CTNND2: variants seen among roughly 807,000 people sequenced by gnomAD.
The protein encoded by CTNND2 is catenin delta-2.
In CTNND2, 22 loss-of-function variants were observed where a neutral mutation model predicts 144.4. The ratio of observed to expected loss-of-function variants is 0.15; its 90% CI spans 0.11 to 0.22. The LOEUF (loss-of-function observed/expected upper bound fraction) is 0.22, where lower values mean the gene tolerates loss of function less well. Among genes scored for constraint, CTNND2 ranks in the 10% least tolerant of loss-of-function variants. The pLI is 1.00. For synonymous variants in CTNND2, 751 were observed against 695.6 expected (o/e 1.08, Z -1.25); for missense variants, 1,353 against 1,618.8 (o/e 0.84, Z 2.82).
chr5:11,337,183 A>G (rs1379755452), intron 9 of CTNND2, among the ~76,000 whole-genome samples: 3 of 152,222 alleles, frequency 2.0e-5, no homozygotes, highest in African/African-American at 7.2e-5. Context: ...AATGGGAAGC[A>G]CACGGATTTT....
rs746104096 is a variant in CTNND2, at chr5:11,082,699, T to C, written c.2785A>G (p.Ile929Val). 1 of 1,614,070 alleles carries C rather than the reference T, an allele frequency of 6.2e-7. No individual in the cohort carries two copies. Among genetic ancestry groups the C allele is most frequent in the South Asian group, 1.1e-5 (1 of 91,078 alleles). ...MALDVRNKEL[I>V]GKYAMRDLVH... ...CTGTGAATCAGGGAGAACATACCGA[T>C]GAGCTCCTTATTTCTGACGTCCAAG... Residue 929 changes from isoleucine (I) to valine (V), a missense_variant, in exon 16 of 22, where the codon ATC becomes GTC. Around this residue, in one of 4 missense-constraint regions of CTNND2, gnomAD observed 459 missense variants for 674.3 expected, o/e 0.68. Coordinates refer to ENST00000304623, the MANE Select transcript of CTNND2 (RefSeq NM_001332.4).
In CTNND2 at chr5:11,465,385, T is replaced by C. The variant is rs566463048; in HGVS notation, c.288-53316A>G. Among the ~76,000 whole-genome samples, 21 of 152,182 alleles carry C rather than the reference T, an allele frequency of 1.4e-4. No individual in the cohort carries two copies. In the South Asian group the frequency reaches 2.1e-3, roughly 15 times the overall value. On this transcript the variant is annotated intron_variant, in intron 3 of 21. Coordinates refer to ENST00000304623, the MANE Select transcript of CTNND2 (RefSeq NM_001332.4). ...ACAGTTAATGGGTTGCTCAGAATTA[T>C]TGTGGATAGAGATGCAATGTTTGTG...
At chr5:11,562,292 T>A (rs554921725) in intron 3 of CTNND2, among the ~76,000 whole-genome samples, 37 of 152,092 alleles carry the variant, frequency 2.4e-4, no homozygotes, top group East Asian at 1.3e-3. Context: ...CCTCTTTTTT[T>A]AAAAAAAAGT....
chr5:11,015,961 T>A (rs1741560398), intron 18 of CTNND2, among the ~76,000 whole-genome samples: 1 of 152,230 alleles, frequency 6.6e-6, no homozygotes, highest in Admixed American at 6.5e-5. Flanking sequence ...ACATTGTAGA[T>A]AAAAGGCTTA....
chr5:11,529,088 C>CA (rs1773518430), intron 3 of CTNND2, among the ~76,000 whole-genome samples: 1 of 152,148 alleles, frequency 6.6e-6, no homozygotes, highest in South Asian at 2.1e-4. Context: ...AAAACAGGGA[C>CA]ACAAGGCCAT....
chr5:11,728,401 G>A (rs988798892), intron 2 of CTNND2, among the ~76,000 whole-genome samples: 14 of 152,080 alleles, frequency 9.2e-5, no homozygotes, highest in African/African-American at 3.4e-4. Flanking sequence ...CCTGGGAGGT[G>A]GAGGTGGAAG....
chr5:11,263,639 C>A (rs1745144105), intron 9 of CTNND2, among the ~76,000 whole-genome samples: 2 of 152,098 alleles, frequency 1.3e-5, no homozygotes, highest in Non-Finnish European at 2.9e-5. Context: ...AGTGGTGGCA[C>A]CATGAACCAC....
At chr5:11,573,114 G>A (rs1214016201) in intron 2 of CTNND2, among the ~76,000 whole-genome samples, 1 of 152,166 alleles carries the variant, frequency 6.6e-6, no homozygotes, top group Non-Finnish European at 1.5e-5. Flanking sequence ...CTCTAAGTCT[G>A]AGATGTCCCC....
At chr5:11,823,773 T>C (rs1025470775) in intron 1 of CTNND2, among the ~76,000 whole-genome samples, 1 of 152,078 alleles carries the variant, frequency 6.6e-6, no homozygotes, top group African/African-American at 2.4e-5. Context: ...GAAATATGAA[T>C]TTTATCCAGG....
intron 8 of CTNND2, among the ~76,000 whole-genome samples, chr5:11,353,905 A>G (rs975283484): frequency 2.0e-5 from 3 of 152,192 alleles, no homozygotes; most frequent in Non-Finnish European, 4.4e-5. Context: ...GATTAGGGGA[A>G]GGTCAATGAA....
At chr5:11,793,802 A>ATCAACTCTATGAGTG (rs1791260597) in intron 1 of CTNND2, among the ~76,000 whole-genome samples, 1 of 152,254 alleles carries the variant, frequency 6.6e-6, no homozygotes, top group African/African-American at 2.4e-5. Context: ...TAGAGTGATC[A>ATCAACTCTATGAGTG]GTCTATCAAC....
At position 11,022,864 on chromosome 5, in the gene CTNND2, G is replaced by A. The variant is rs764796131; in HGVS notation, c.2904C>T (p.His968=). 21 of 1,614,078 alleles carry A rather than the reference G, an allele frequency of 1.3e-5. No homozygotes were observed. In the East Asian group the frequency reaches 2.9e-4, roughly 22 times the overall value. Residue 968 remains histidine (H), a synonymous_variant, in exon 17 of 22, where the codon CAC becomes CAT. Coordinates refer to ENST00000304623, the MANE Select transcript of CTNND2 (RefSeq NM_001332.4). Reference sequence around the variant, plus strand: ...TCTCCATGTTCTTGGTAATCACTTCGTGCAGTGTGCAGCAGACAGCTGTCA... The same window carrying A: ...TCTCCATGTTCTTGGTAATCACTTCATGCAGTGTGCAGCAGACAGCTGTCA... The part of the protein sequence containing the change: ...DTVTAVCCTL[H]EVITKNMENA...
chr5:11,074,374 A>G (rs1439365917), intron 16 of CTNND2, among the ~76,000 whole-genome samples: 2 of 152,212 alleles, frequency 1.3e-5, no homozygotes, highest in African/African-American at 2.4e-5. Flanking sequence ...CTGAGCATGG[A>G]GAGGATACTG....
intron 2 of CTNND2, among the ~76,000 whole-genome samples, chr5:11,576,557 T>C (rs1174301481): frequency 1.3e-5 from 2 of 152,022 alleles, no homozygotes; most frequent in Admixed American, 1.3e-4. Context: ...CTGTTCTGAC[T>C]TTTCAGAAAA....
chr5:11,817,391 A>T (rs139499440), intron 1 of CTNND2, among the ~76,000 whole-genome samples: 1 of 14,946 alleles, frequency 6.7e-5, no homozygotes, highest in African/African-American at 3.0e-4. Flanking sequence ...GAGAGGGGGG[A>T]GAGAGAGAGA....
At chr5:11,652,511 A>G (rs1473477007) in intron 2 of CTNND2, among the ~76,000 whole-genome samples, 1 of 152,178 alleles carries the variant, frequency 6.6e-6, no homozygotes, top group East Asian at 1.9e-4. Context: ...TTTATATTGT[A>G]TTGACATTTG....
chr5:11,494,153 AT>A (rs762187037), intron 3 of CTNND2, among the ~76,000 whole-genome samples: 11 of 152,186 alleles, frequency 7.2e-5, no homozygotes, highest in Non-Finnish European at 1.3e-4. Context: ...TTGTCACAAT[AT>A]CCTGATTAGC....
chr5:11,503,882 A>G (rs1264591266), intron 3 of CTNND2, among the ~76,000 whole-genome samples: 7 of 152,262 alleles, frequency 4.6e-5, no homozygotes, highest in African/African-American at 7.2e-5. Flanking sequence ...ATGTTTTCCT[A>G]TGCCTCCTTT....
At chr5:11,667,347 C>T (rs1783625014) in intron 2 of CTNND2, among the ~76,000 whole-genome samples, 1 of 152,308 alleles carries the variant, frequency 6.6e-6, no homozygotes, top group East Asian at 1.9e-4. Context: ...GCCACACTGT[C>T]TTCCCCAATG....
Sources: allele counts gnomAD v4.1 joint callset (sites outside exome capture counted in the v4.1 genomes callset), GRCh38; gene constraint gnomAD v4.1.1; regional missense constraint gnomAD v4.1.1; transcripts MANE v1.5; gene names NCBI Gene and HGNC (gene_info 2026-07-23, HGNC 2026-07-21).